TLN2: variants seen among roughly 807,000 people sequenced by gnomAD.
TLN2 encodes the protein talin 2, also known as talin-2.
A neutral mutation model predicts 294.7 loss-of-function variants in TLN2; 118 were observed. The observed-to-expected ratio is 0.40, with a 90% CI of 0.34 to 0.47. TLN2 has a LOEUF of 0.47. Ranked by LOEUF, TLN2 falls within the 20% of genes least tolerant of loss-of-function variation. The pLI is 0.84. For synonymous variants in TLN2, 1,431 were observed against 1,304.5 expected, an observed-to-expected ratio of 1.10 and a Z score of -2.09; for missense variants, 3,083 against 3,282.2, an observed-to-expected ratio of 0.94 and a Z score of 1.48.
chr15:62,499,959 AAAC>A (rs758831203), intron 1 of TLN2, among the ~76,000 whole-genome samples: 3 of 152,244 alleles, frequency 2.0e-5, no homozygotes, highest in Non-Finnish European at 4.4e-5. Context: ...CAAACAAAAA[AAAC>A]AGTCAAAATT....
chr15:62,566,062 A>T (rs1273189263), intron 1 of TLN2, among the ~76,000 whole-genome samples: 1 of 152,076 alleles, frequency 6.6e-6, no homozygotes, highest in Non-Finnish European at 1.5e-5. Context: ...TTTGTTGTTT[A>T]TCTGGTATGG....
At chr15:62,650,243 C>T (rs569165821) in intron 5 of TLN2, 62 bp downstream of exon 5, 53 of 1,530,548 alleles carry the variant, frequency 3.5e-5, no homozygotes, top group Admixed American at 2.4e-4. Flanking sequence ...CTTCCATAGA[C>T]GCCAACACGG....
At chr15:62,410,305 C>T (rs1052231594) in intron 1 of TLN2, among the ~76,000 whole-genome samples, 6 of 151,930 alleles carry the variant, frequency 3.9e-5, no homozygotes, top group South Asian at 2.1e-4. Flanking sequence ...GTCATATATA[C>T]TCACATCATT....
intron 1 of TLN2, among the ~76,000 whole-genome samples, chr15:62,443,474 T>A (rs2035656503): frequency 6.6e-6 from 1 of 152,238 alleles, no homozygotes; most frequent in Non-Finnish European, 1.5e-5. Context: ...ATGAATGAGC[T>A]TTTTATTAAA....
At position 62,748,342 on chromosome 15, in the gene TLN2, C is replaced by T. The variant is rs1199991032; in HGVS notation, c.4026-9C>T. The stretch of plus-strand genomic sequence containing the variant: ...CAAAAAAAAAAAAAAAATTCTGTTT[C>T]TGTCACAGAGCTGTGACAGAGAGCA... On this transcript the variant is annotated splice_polypyrimidine_tract_variant and intron_variant, in intron 32 of 58. Transcript: ENST00000636159. 6.4e-7 allele frequency: 1 copy of T among 1,571,042 alleles called. No homozygotes were observed. Among genetic ancestry groups the T allele is most frequent in the Non-Finnish European group, 8.7e-7 (1 of 1,154,206 alleles).
At chr15:62,641,102 C>T (rs937979425) in intron 3 of TLN2, among the ~76,000 whole-genome samples, 3 of 152,008 alleles carry the variant, frequency 2.0e-5, no homozygotes, top group African/African-American at 7.2e-5. Flanking sequence ...GCACCCAGCC[C>T]ACAGGAACTA....
intron 1 of TLN2, among the ~76,000 whole-genome samples, chr15:62,542,358 A>ATT: frequency 6.6e-6 from 1 of 151,854 alleles, no homozygotes; most frequent in Non-Finnish European, 1.5e-5. Context: ...TACCTGGCTG[A>ATT]TTTTGTATTT....
rs1056814159 is a variant in TLN2, at chr15:62,411,058, G to A, written c.-238+20373G>A. 3.9e-5 allele frequency among the ~76,000 whole-genome samples: 6 copies of A among 152,182 alleles called. 1 individual carries two copies. Among genetic ancestry groups the A allele is most frequent in the Admixed American group, 3.9e-4 (6 of 15,276 alleles). On this transcript the variant is annotated intron_variant, in intron 1 of 58. Transcript: ENST00000636159. ...CAGTTTGGCACATCTTTTTCTGGGT[G>A]TCTACCAAGTGCATGGTGGATACAG...
intron 42 of TLN2, among the ~76,000 whole-genome samples, chr15:62,773,758 G>A (rs903236933): frequency 2.6e-5 from 4 of 152,150 alleles, no homozygotes; most frequent in African/African-American, 7.2e-5. Context: ...TGCCTCTCAC[G>A]AGTAAATTAC....
intron 1 of TLN2, among the ~76,000 whole-genome samples, chr15:62,532,153 A>T (rs998247016): frequency 1.3e-5 from 2 of 151,654 alleles, no homozygotes; most frequent in Non-Finnish European, 2.9e-5. Context: ...AGGCTCAGGC[A>T]ATCCTCCCGT....
At chr15:62,495,958 A>AT (rs201860169) in intron 1 of TLN2, among the ~76,000 whole-genome samples, 1 of 151,926 alleles carries the variant, frequency 6.6e-6, no homozygotes, top group Non-Finnish European at 1.5e-5. Flanking sequence ...AAAAAAAAAA[A>AT]CAAAAACCAA....
rs2058143514 is a variant in TLN2, at chr15:62,694,078, C to A, written c.1216-238C>A. Among the ~76,000 whole-genome samples, 3 of 151,472 alleles carry A rather than the reference C, an allele frequency of 2.0e-5. No homozygotes were observed. The South Asian group carries it at 6.3e-4, about 32-fold the overall frequency. On this transcript the variant is annotated intron_variant, in intron 13 of 58. Coordinates refer to ENST00000636159, the MANE Select transcript of TLN2 (RefSeq NM_015059.3). ...CCGCCTCCCAGTTCAAGCAATTCTCCTGCCTCAGCTTCCGGTGTAGCTGGG... is the reference window on the plus strand; with the variant it reads ...CCGCCTCCCAGTTCAAGCAATTCTCATGCCTCAGCTTCCGGTGTAGCTGGG...
At chr15:62,495,990 A>G (rs2038998047) in intron 1 of TLN2, among the ~76,000 whole-genome samples, 2 of 152,078 alleles carry the variant, frequency 1.3e-5, no homozygotes, top group African/African-American at 4.8e-5. Context: ...CCTTCTGTTT[A>G]TCTTCTTTGT....
At chr15:62,676,271 A>G (rs1276862073) in intron 11 of TLN2, among the ~76,000 whole-genome samples, 1 of 152,196 alleles carries the variant, frequency 6.6e-6, no homozygotes, top group East Asian at 1.9e-4. Context: ...AGATACCAAG[A>G]TGTTATGCAT....
intron 45 of TLN2, 114 bp from the exon 46 acceptor site, chr15:62,792,527 G>T: frequency 7.1e-7 from 1 of 1,413,216 alleles, no homozygotes; most frequent in Non-Finnish European, 9.5e-7. Context: ...AATAGGAGTG[G>T]AATTTTCCTA....
intron 1 of TLN2, among the ~76,000 whole-genome samples, chr15:62,577,334 T>C (rs1354975463): frequency 6.6e-6 from 1 of 151,978 alleles, no homozygotes; most frequent in African/African-American, 2.4e-5. Flanking sequence ...TCCCAGCTAC[T>C]TTGGGAGGCT....
intron 1 of TLN2, among the ~76,000 whole-genome samples, chr15:62,403,178 C>T (rs926497959): frequency 1.3e-5 from 2 of 148,264 alleles, no homozygotes; most frequent in African/African-American, 2.5e-5. Context: ...GCAGAGGTTG[C>T]AGTGAGCCGA....
In TLN2 at chr15:62,471,799, C is replaced by A. The variant is rs117798718; in HGVS notation, c.-238+81114C>A. Among the ~76,000 whole-genome samples, 6 of 152,232 alleles carry A rather than the reference C, an allele frequency of 3.9e-5. No homozygotes were observed. The East Asian group carries it at 1.2e-3, about 29-fold the overall frequency. ...AAAACTCAGGACTGTAATAAAGACACAAGACAAATTCAGTAGTCTTCCCAA... is the reference window on the plus strand; with the variant it reads ...AAAACTCAGGACTGTAATAAAGACAAAAGACAAATTCAGTAGTCTTCCCAA... On this transcript the variant is annotated intron_variant, in intron 1 of 58. Transcript: ENST00000636159.
intron 13 of TLN2, among the ~76,000 whole-genome samples, chr15:62,693,192 C>T (rs1021912024): frequency 6.6e-6 from 1 of 152,034 alleles, no homozygotes; most frequent in South Asian, 2.1e-4. Context: ...GTTAGCCGGG[C>T]GTGGTGGCAG....
Sources: gnomAD v4.1 joint callset for allele counts (sites outside exome capture counted in the v4.1 genomes callset) on GRCh38, gnomAD v4.1.1 for gene constraint, MANE v1.5 for transcripts, NCBI Gene and HGNC (gene_info 2026-07-23, HGNC 2026-07-21) for gene names.